TTC28: variants seen among roughly 807,000 people sequenced by gnomAD.
The protein encoded by TTC28 is tetratricopeptide repeat domain 28, also known as tetratricopeptide repeat protein 28.
TTC28 carries 61 observed loss-of-function variants against 198.0 expected under a neutral mutation model. That is an observed-to-expected ratio of 0.31 (90% CI 0.25 to 0.38). The LOEUF (loss-of-function observed/expected upper bound fraction) is 0.38. TTC28 is among the 10% of genes least tolerant of loss of function. The pLI, the probability that TTC28 is intolerant of heterozygous loss-of-function variation, is 1.00. For synonymous variants in TTC28, 1,171 were observed against 1,297.8 expected (o/e 0.90, Z 2.10); for missense variants, 2,678 against 3,164.0 (o/e 0.85, Z 3.69).
intron 2 of TTC28, among the ~76,000 whole-genome samples, chr22:28,610,103 T>C (rs1227366258): frequency 1.3e-5 from 2 of 152,062 alleles, no homozygotes; most frequent in Non-Finnish European, 2.9e-5. Flanking sequence ...GGCTTATAGA[T>C]AAAACCCCCA....
chr22:28,203,981 T>C (rs1036526529), intron 5 of TTC28, among the ~76,000 whole-genome samples: 5 of 152,298 alleles, frequency 3.3e-5, no homozygotes, highest in Admixed American at 1.3e-4. Context: ...TTATTGTTAA[T>C]ACCTTGATCC....
chr22:28,181,891 C>A (rs561244635), intron 5 of TTC28, among the ~76,000 whole-genome samples: 56 of 151,862 alleles, frequency 3.7e-4, no homozygotes, highest in Admixed American at 1.2e-3. Flanking sequence ...AACAAACAAA[C>A]AAAAAAAACT....
At chr22:28,113,089 A>G (rs1474692712) in intron 6 of TTC28, among the ~76,000 whole-genome samples, 1 of 152,172 alleles carries the variant, frequency 6.6e-6, no homozygotes, top group Non-Finnish European at 1.5e-5. Context: ...TGCTTTTATT[A>G]TTAGCCATTA....
intron 2 of TTC28, among the ~76,000 whole-genome samples, chr22:28,467,533 C>T (rs962168459): frequency 6.6e-6 from 1 of 152,218 alleles, no homozygotes; most frequent in Non-Finnish European, 1.5e-5. Context: ...AGTGAGGCAG[C>T]TGTAGTAGCA....
chr22:28,373,744 CCT>C (rs1294425998), intron 2 of TTC28, among the ~76,000 whole-genome samples: 1 of 152,154 alleles, frequency 6.6e-6, no homozygotes, highest in Non-Finnish European at 1.5e-5. Flanking sequence ...TGACAGTAAT[CCT>C]CTGTCAGTAA....
intron 2 of TTC28, among the ~76,000 whole-genome samples, chr22:28,460,684 T>C (rs373232442): frequency 2.6e-5 from 4 of 151,412 alleles, no homozygotes; most frequent in East Asian, 3.9e-4. Context: ...GACAGATAGA[T>C]AGGCAGGCAG....
chr22:28,625,444 T>G (rs1274460251), intron 2 of TTC28, among the ~76,000 whole-genome samples: 2 of 152,174 alleles, frequency 1.3e-5, no homozygotes, highest in African/African-American at 4.8e-5. Flanking sequence ...TTATTCCATT[T>G]ATAATAGTAT....
At chr22:28,030,946 C>A (rs565368427) in intron 12 of TTC28, among the ~76,000 whole-genome samples, 17 of 152,216 alleles carry the variant, frequency 1.1e-4, no homozygotes, top group Non-Finnish European at 1.9e-4. Context: ...GAAACGCAAA[C>A]TTGAGAACTG....
intron 2 of TTC28, among the ~76,000 whole-genome samples, chr22:28,333,507 T>C (rs2045649996): frequency 6.6e-6 from 1 of 152,098 alleles, no homozygotes; most frequent in Non-Finnish European, 1.5e-5. Flanking sequence ...AGAACGTCCC[T>C]TTGCTCTATG....
At chr22:28,262,205 G>C (rs902500799) in intron 5 of TTC28, among the ~76,000 whole-genome samples, 7 of 152,044 alleles carry the variant, frequency 4.6e-5, no homozygotes, top group African/African-American at 1.7e-4. Flanking sequence ...CAAAATAAAA[G>C]TTAAGGTCAT....
At chr22:28,311,806 G>A (rs923260242) in intron 2 of TTC28, among the ~76,000 whole-genome samples, 3 of 149,256 alleles carry the variant, frequency 2.0e-5, no homozygotes, top group African/African-American at 7.4e-5. Flanking sequence ...CACCTTACTC[G>A]CCCCCACACA....
intron 12 of TTC28, among the ~76,000 whole-genome samples, chr22:28,066,691 T>C (rs1940768823): frequency 6.6e-6 from 1 of 152,132 alleles, no homozygotes; most frequent in African/African-American, 2.4e-5. Flanking sequence ...GATCTTGAGG[T>C]GTCTCACTGG....
chr22:28,455,263 C>A (rs2047841894), intron 2 of TTC28, among the ~76,000 whole-genome samples: 1 of 152,192 alleles, frequency 6.6e-6, no homozygotes, highest in Non-Finnish European at 1.5e-5. Context: ...AAAAATCACA[C>A]TTCCAAAACA....
chr22:28,167,342 A>T (rs1361888531), intron 5 of TTC28, among the ~76,000 whole-genome samples: 3 of 152,274 alleles, frequency 2.0e-5, no homozygotes, highest in Non-Finnish European at 4.4e-5. Context: ...CATTATCCTG[A>T]TACCAAAGCC....
intron 2 of TTC28, among the ~76,000 whole-genome samples, chr22:28,452,389 CAAAAAAAAAAAAAAAAAAA>C (rs71194768): frequency 4.6e-5 from 2 of 43,226 alleles, no homozygotes; most frequent in Admixed American, 4.8e-4. Flanking sequence ...GATTCCATCT[CAAAAAAAAAAAAAAAAAAA>C]AAAAAAAAAA....
At chr22:28,228,258 TG>T (rs1222989432) in intron 5 of TTC28, among the ~76,000 whole-genome samples, 1 of 152,016 alleles carries the variant, frequency 6.6e-6, no homozygotes, top group Non-Finnish European at 1.5e-5. Flanking sequence ...AAATTCAAGT[TG>T]GGAAAATGAA....
At chr22:28,157,857 C>T (rs989611282) in intron 6 of TTC28, among the ~76,000 whole-genome samples, 4 of 152,084 alleles carry the variant, frequency 2.6e-5, no homozygotes, top group South Asian at 2.1e-4. Flanking sequence ...ATCTGGAACA[C>T]GACAAGGATG....
intron 5 of TTC28, among the ~76,000 whole-genome samples, chr22:28,184,166 C>A (rs936272552): frequency 4.6e-5 from 7 of 152,094 alleles, no homozygotes; most frequent in African/African-American, 1.4e-4. Flanking sequence ...TATGACCACA[C>A]ATTTAAAGAG....
chr22:28,084,517 CCAT>C lies in TTC28; in HGVS notation c.3932+9560_3932+9562del, dbSNP rs1941487649. On this transcript the variant is annotated intron_variant, in intron 12 of 22. Coordinates refer to ENST00000397906, the MANE Select transcript of TTC28 (RefSeq NM_001145418.2). ...ACACCAAAAACCCATCTGTATGTCA[CCAT>C]CATCAAAGACCAAAGGTAGATGAAA... 2.6e-5 allele frequency among the ~76,000 whole-genome samples: 4 copies of C among 152,110 alleles called. No individual in the cohort carries two copies. In the South Asian group the frequency reaches 8.3e-4, roughly 32 times the overall value.
Sources: allele counts gnomAD v4.1 joint callset (sites outside exome capture counted in the v4.1 genomes callset), GRCh38; gene constraint gnomAD v4.1.1; transcripts MANE v1.5; gene names NCBI Gene and HGNC (gene_info 2026-07-23, HGNC 2026-07-21).